ROBO2: variants seen among roughly 807,000 people sequenced by gnomAD.
ROBO2 encodes roundabout homolog 2.
In ROBO2, 53 loss-of-function variants were observed where a neutral mutation model predicts 160.8. The observed-to-expected ratio is 0.33, with a 90% CI of 0.26 to 0.41. The LOEUF (loss-of-function observed/expected upper bound fraction) is 0.41, where lower values mean the gene tolerates loss of function less well. Among genes scored for constraint, ROBO2 ranks in the 10% least tolerant of loss-of-function variants. ROBO2 has a pLI of 1.00. For synonymous variants in ROBO2, 664 were observed against 611.7 expected (o/e 1.09, Z -1.26); for missense variants, 1,577 against 1,722.4 (o/e 0.92, Z 1.49).
chr3:77,125,669 G>C (rs2075250539), intron 2 of ROBO2, among the ~76,000 whole-genome samples: 1 of 152,140 alleles, frequency 6.6e-6, no homozygotes, highest in Admixed American at 6.5e-5. Context: ...GAAAAAAAGT[G>C]TCTTAGATAT....
intron 2 of ROBO2, among the ~76,000 whole-genome samples, chr3:77,266,492 T>C (rs1380051018): frequency 6.6e-6 from 1 of 152,116 alleles, no homozygotes; most frequent in Non-Finnish European, 1.5e-5. Context: ...TTAAAGTAGC[T>C]GAGGAATAGC....
intron 2 of ROBO2, among the ~76,000 whole-genome samples, chr3:77,308,659 A>G (rs1023985123): frequency 2.0e-5 from 3 of 152,220 alleles, no homozygotes; most frequent in Non-Finnish European, 4.4e-5. Context: ...GATAATCGCC[A>G]CTTATCATCT....
intron 2 of ROBO2, among the ~76,000 whole-genome samples, chr3:76,273,016 T>C (rs377043940): frequency 9.8e-5 from 9 of 91,874 alleles, no homozygotes; most frequent in African/African-American, 4.1e-4. Context: ...AAAAATATAT[T>C]ATATATAATA....
intron 2 of ROBO2, among the ~76,000 whole-genome samples, chr3:77,173,265 G>A (rs2079809928): frequency 6.6e-6 from 1 of 152,066 alleles, no homozygotes; most frequent in Non-Finnish European, 1.5e-5. Context: ...TTGGAAGTTT[G>A]ATTTGAAAAA....
intron 2 of ROBO2, among the ~76,000 whole-genome samples, chr3:77,271,833 T>A (rs1386092321): frequency 2.0e-5 from 3 of 152,202 alleles, no homozygotes; most frequent in African/African-American, 7.2e-5. Flanking sequence ...TTCAAGGATC[T>A]TTCCTTATGG....
rs2086096794 is a variant in ROBO2 at position 77,223,498 on chromosome 3, T to C, written c.388+125158T>C. Among the ~76,000 whole-genome samples the C allele has an allele frequency of 2.0e-5, 3 of 152,068 alleles. No individual in the cohort carries two copies. In the South Asian group the frequency reaches 6.2e-4, roughly 32 times the overall value. ...TAGACCCACATTCCCCAAGATTGAG[T>C]CCTGTAGAATATTAACTTTCCATAT... On this transcript the variant is annotated intron_variant, in intron 2 of 25. Transcript: ENST00000461745.
At chr3:76,335,383 T>A (rs1204539937) in intron 2 of ROBO2, among the ~76,000 whole-genome samples, 22 of 151,876 alleles carry the variant, frequency 1.4e-4, no homozygotes. Context: ...GGTTTTACCA[T>A]GTTGGCCAGG....
intron 2 of ROBO2, among the ~76,000 whole-genome samples, chr3:76,498,417 G>A (rs1426652298): frequency 6.6e-6 from 1 of 151,874 alleles, no homozygotes; most frequent in Non-Finnish European, 1.5e-5. Context: ...ACAGTATATT[G>A]TATTCTAGAA....
chr3:76,876,931 T>C (rs981679430), intron 2 of ROBO2, among the ~76,000 whole-genome samples: 1 of 152,270 alleles, frequency 6.6e-6, no homozygotes, highest in African/African-American at 2.4e-5. Context: ...TCTGATATTC[T>C]AGAATGATGA....
chr3:76,287,326 C>T (rs1255499293), intron 2 of ROBO2, among the ~76,000 whole-genome samples: 6 of 148,740 alleles, frequency 4.0e-5, no homozygotes, highest in Non-Finnish European at 8.9e-5. Context: ...GACAGAGTCT[C>T]GCTCTGTCAC....
chr3:76,689,688 G>C (rs370521501), intron 2 of ROBO2, among the ~76,000 whole-genome samples: 2 of 152,272 alleles, frequency 1.3e-5, no homozygotes, highest in East Asian at 3.9e-4. Flanking sequence ...GAGCATGGGA[G>C]AGATTATGTA....
chr3:76,086,323 C>G (rs960013491), intron 2 of ROBO2, among the ~76,000 whole-genome samples: 1 of 151,996 alleles, frequency 6.6e-6, no homozygotes, highest in African/African-American at 2.4e-5. Context: ...TGGAGGTAAC[C>G]GCCCCCATGA....
chr3:76,627,228 G>C (rs1438755788), intron 2 of ROBO2, among the ~76,000 whole-genome samples: 2 of 152,090 alleles, frequency 1.3e-5, no homozygotes, highest in Non-Finnish European at 2.9e-5. Flanking sequence ...ACTCTCTTAT[G>C]GGGCTTAATT....
intron 2 of ROBO2, among the ~76,000 whole-genome samples, chr3:76,248,940 A>C (rs1410347715): frequency 6.6e-6 from 1 of 152,104 alleles, no homozygotes. Context: ...ATATGTGTTC[A>C]ATCATCAAAA....
rs2095184211 is a variant in ROBO2 at position 77,632,488 on chromosome 3, G to A, written c.3761-2382G>A. On this transcript the variant is annotated intron_variant, in intron 23 of 25. Transcript: ENST00000461745. ...TTTGTTTTTAGGTTCAATGGTAAAT[G>A]GATGGGGCTCTGCATCTGATGAGGA... The A allele has an allele frequency of 2.0e-6, 3 of 1,532,822 alleles. No homozygotes were observed. The East Asian group carries it at 7.3e-5, about 38-fold the overall frequency. The allele number at this position is 1,532,822 out of a possible 1,614,324, so 95.0% of individuals were successfully genotyped here.
At chr3:76,340,561 T>C (rs2074163228) in intron 2 of ROBO2, among the ~76,000 whole-genome samples, 1 of 152,184 alleles carries the variant, frequency 6.6e-6, no homozygotes, top group Admixed American at 6.6e-5. Context: ...GCTAATGGTG[T>C]ATCTCAACAT....
chr3:77,605,529 T>C (rs1255900488), intron 20 of ROBO2, among the ~76,000 whole-genome samples: 1 of 152,184 alleles, frequency 6.6e-6, no homozygotes, highest in African/African-American at 2.4e-5. Context: ...AAAGTGATTG[T>C]TGGATAGAAA....
chr3:77,337,925 A>T (rs544856939), intron 2 of ROBO2, among the ~76,000 whole-genome samples: 8 of 152,328 alleles, frequency 5.3e-5, no homozygotes, highest in African/African-American at 1.9e-4. Context: ...ACAAACCAGC[A>T]TAACCAAGTT....
intron 2 of ROBO2, among the ~76,000 whole-genome samples, chr3:76,273,275 T>C (rs1046441947): frequency 6.7e-6 from 1 of 150,204 alleles, no homozygotes; most frequent in Non-Finnish European, 1.5e-5. Context: ...GATGTAGCAA[T>C]GATGAAATAC....
Sources: gnomAD v4.1 joint callset for allele counts (sites outside exome capture counted in the v4.1 genomes callset) on GRCh38, gnomAD v4.1.1 for gene constraint, MANE v1.5 for transcripts, NCBI Gene and HGNC (gene_info 2026-07-23, HGNC 2026-07-21) for gene names.